Variants in KCNQ5 observed in about 807,000 individuals in gnomAD.
KCNQ5 encodes potassium voltage-gated channel subfamily Q member 5, also known as potassium voltage-gated channel subfamily KQT member 5.
KCNQ5 carries 30 observed loss-of-function variants against 98.2 expected under a neutral mutation model. The observed-to-expected ratio is 0.31, with a 90% CI of 0.23 to 0.41. KCNQ5 has a LOEUF of 0.41. Ranked by LOEUF, KCNQ5 falls within the 10% of genes least tolerant of loss-of-function variation. The pLI is 1.00. For missense variants in KCNQ5, 835 were observed against 1,182.5 expected (o/e 0.71, Z 4.31); for synonymous variants, 458 against 449.4 (o/e 1.02, Z -0.24).
intron 1 of KCNQ5, among the ~76,000 whole-genome samples, chr6:72,714,210 T>C (rs1769524961): frequency 6.6e-6 from 1 of 152,224 alleles, no homozygotes; most frequent in Non-Finnish European, 1.5e-5. Context: ...TCTTAATCTC[T>C]ACCTAATTAA....
intron 1 of KCNQ5, among the ~76,000 whole-genome samples, chr6:72,631,166 T>A (rs1017818246): frequency 2.2e-4 from 33 of 152,210 alleles, no homozygotes; most frequent in African/African-American, 7.7e-4. Context: ...TCAATAGAGG[T>A]GGAACAACAG....
At chr6:73,161,967 A>T (rs1382554210) in intron 10 of KCNQ5, among the ~76,000 whole-genome samples, 4 of 152,130 alleles carry the variant, frequency 2.6e-5, no homozygotes, top group African/African-American at 9.7e-5. Flanking sequence ...CCCAGACTAG[A>T]GTGCAATGGT....
At chr6:72,700,769 G>A (rs1423476849) in intron 1 of KCNQ5, among the ~76,000 whole-genome samples, 2 of 152,230 alleles carry the variant, frequency 1.3e-5, no homozygotes, top group East Asian at 1.9e-4. Flanking sequence ...ACCTAGCACC[G>A]GCACATTCCC....
At chr6:73,025,182 ACATCCGAG>A (rs1472962211) in intron 2 of KCNQ5, among the ~76,000 whole-genome samples, 1 of 152,236 alleles carries the variant, frequency 6.6e-6, no homozygotes, top group Non-Finnish European at 1.5e-5. Flanking sequence ...TATTCTAAAG[ACATCCGAG>A]CCAGACATTT....
At chr6:72,764,262 C>A (rs1182442363) in intron 1 of KCNQ5, among the ~76,000 whole-genome samples, 2 of 151,830 alleles carry the variant, frequency 1.3e-5, no homozygotes, top group Non-Finnish European at 2.9e-5. Context: ...AAAAACCAAC[C>A]AACCAACAAA....
intron 1 of KCNQ5, among the ~76,000 whole-genome samples, chr6:72,784,166 A>T (rs571753590): frequency 4.6e-5 from 7 of 152,286 alleles, no homozygotes; most frequent in Admixed American, 1.3e-4. Flanking sequence ...GCTGTGATGG[A>T]CACTCTTTCC....
At chr6:73,101,305 T>C (rs1375403908) in intron 5 of KCNQ5, among the ~76,000 whole-genome samples, 1 of 152,166 alleles carries the variant, frequency 6.6e-6, no homozygotes, top group African/African-American at 2.4e-5. Flanking sequence ...CAAGTGAGAT[T>C]TATCTCAGGG....
At chr6:72,724,395 A>G (rs1770150518) in intron 1 of KCNQ5, among the ~76,000 whole-genome samples, 1 of 152,212 alleles carries the variant, frequency 6.6e-6, no homozygotes. Context: ...AGAAAGACGT[A>G]ATTTTATAAA....
intron 1 of KCNQ5, among the ~76,000 whole-genome samples, chr6:72,942,024 G>T (rs976851851): frequency 1.3e-5 from 2 of 152,120 alleles, no homozygotes; most frequent in African/African-American, 4.8e-5. Context: ...CATAAGTGGG[G>T]AAGGGCATTT....
At chr6:73,129,654 C>T (rs1776139374) in intron 9 of KCNQ5, 1 of 646,084 alleles carries the variant, frequency 1.5e-6, no homozygotes, top group Non-Finnish European at 2.6e-6. Flanking sequence ...CAACATAGTA[C>T]TCTCTGCTTA....
chr6:73,054,226 C>T (rs1230514689), intron 3 of KCNQ5, among the ~76,000 whole-genome samples: 1 of 151,924 alleles, frequency 6.6e-6, no homozygotes, highest in African/African-American at 2.4e-5. Context: ...CAGAAAAAGC[C>T]CGGGACCAGA....
At chr6:72,746,967 C>CT (rs1191199244) in intron 1 of KCNQ5, among the ~76,000 whole-genome samples, 2 of 152,084 alleles carry the variant, frequency 1.3e-5, no homozygotes, top group Non-Finnish European at 2.9e-5. Flanking sequence ...GTGTTACACT[C>CT]TAAGTCTTGC....
At position 72,669,068 on chromosome 6, in the gene KCNQ5, A is replaced by G. The variant is rs557071058; in HGVS notation, c.398+46481A>G. On this transcript the variant is annotated intron_variant, in intron 1 of 13. Transcript: ENST00000370398. ...TCCTTTTTTAGTGCAAAATGCATTC[A>G]TTCCATCCTATCGCCCCAAAAGTCT... is the stretch of plus-strand genomic sequence containing the variant. Among the ~76,000 whole-genome samples, 18 of 152,196 alleles carry G rather than the reference A, an allele frequency of 1.2e-4. No individual in the cohort carries two copies. The East Asian group carries it at 3.3e-3, about 28-fold the overall frequency.
chr6:72,878,300 A>G (rs16882996), intron 1 of KCNQ5, among the ~76,000 whole-genome samples: 42,739 of 151,966 alleles, frequency 0.28, 6,148 homozygotes, highest in Non-Finnish European at 0.29. Flanking sequence ...AAATCCATAG[A>G]TGCCTTTGCT....
At position 72,896,235 on chromosome 6, in the gene KCNQ5, T is replaced by G. The variant is rs529152069; in HGVS notation, c.399-107673T>G. On this transcript the variant is annotated intron_variant, in intron 1 of 13. Transcript: ENST00000370398. The stretch of plus-strand genomic sequence containing the variant: ...TATTTAACAGTATTTAAACCAAGTC[T>G]TTAATTGAGTAGCCATAGTAGATAT... 4.6e-5 allele frequency among the ~76,000 whole-genome samples: 7 copies of G among 152,298 alleles called. No homozygotes were observed. In the East Asian group the frequency reaches 1.3e-3, roughly 29 times the overall value.
At chr6:72,660,111 G>T (rs986385630) in intron 1 of KCNQ5, among the ~76,000 whole-genome samples, 5 of 152,256 alleles carry the variant, frequency 3.3e-5, no homozygotes, top group Admixed American at 6.5e-5. Flanking sequence ...CAGTATTACT[G>T]AAGTGTTATG....
intron 1 of KCNQ5, among the ~76,000 whole-genome samples, chr6:72,963,767 A>T (rs1214709876): frequency 6.6e-6 from 1 of 152,080 alleles, no homozygotes; most frequent in African/African-American, 2.4e-5. Flanking sequence ...GATTCAAGCA[A>T]TTCTCGTGCC....
At chr6:72,713,304 AC>A (rs899700064) in intron 1 of KCNQ5, among the ~76,000 whole-genome samples, 3 of 151,836 alleles carry the variant, frequency 2.0e-5, no homozygotes, top group Non-Finnish European at 2.9e-5. Flanking sequence ...TTCCTGCACC[AC>A]CCTTCCCCAG....
rs371206391 is a variant in KCNQ5, at chr6:72,625,509, T to A, written c.398+2922T>A. On this transcript the variant is annotated intron_variant, in intron 1 of 13. Coordinates refer to ENST00000370398, the MANE Select transcript of KCNQ5 (RefSeq NM_019842.4). The stretch of plus-strand genomic sequence containing the variant: ...TTAATTCCTCCTTGTTTAAGGAAAA[T>A]TTTGAAGAATAATGAGGGTAGTAGG... Among the ~76,000 whole-genome samples, 10 of 152,306 alleles carry A rather than the reference T, an allele frequency of 6.6e-5. No individual in the cohort carries two copies. The East Asian group carries it at 1.5e-3, about 24-fold the overall frequency.
Sources: gnomAD v4.1 joint callset for allele counts (sites outside exome capture counted in the v4.1 genomes callset) on GRCh38, gnomAD v4.1.1 for gene constraint, MANE v1.5 for transcripts, NCBI Gene and HGNC (gene_info 2026-07-23, HGNC 2026-07-21) for gene names.